NBEA: variants seen among roughly 807,000 people sequenced by gnomAD.
The protein encoded by NBEA is neurobeachin.
In NBEA, 44 loss-of-function variants were observed where a neutral mutation model predicts 343.4. The observed-to-expected ratio is 0.13, with a 90% CI of 0.10 to 0.16. The LOEUF (loss-of-function observed/expected upper bound fraction) is 0.16. Among genes scored for constraint, NBEA ranks in the 10% least tolerant of loss-of-function variants. NBEA has a pLI of 1.00. For missense variants in NBEA, 2,555 were observed against 3,631.3 expected (o/e 0.70, Z 7.62); for synonymous variants, 1,175 against 1,238.7 (o/e 0.95, Z 1.08).
chr13:35,522,478 A>C (rs1451405167), intron 41 of NBEA, among the ~76,000 whole-genome samples: 3 of 10,964 alleles, frequency 2.7e-4, no homozygotes, highest in Non-Finnish European at 4.5e-4. Context: ...CCATCTCCAA[A>C]AAAAAAAAAA....
intron 35 of NBEA, 92 bp downstream of exon 35, chr13:35,290,542 T>A (rs540183187): frequency 1.2e-6 from 1 of 832,512 alleles, no homozygotes; most frequent in African/African-American, 1.8e-5. Flanking sequence ...TGTATGTTTA[T>A]ATATTTTTAA....
At chr13:35,586,112 G>A (rs1363308339) in intron 46 of NBEA, among the ~76,000 whole-genome samples, 1 of 152,080 alleles carries the variant, frequency 6.6e-6, no homozygotes, top group African/African-American at 2.4e-5. Flanking sequence ...TATTGTATGG[G>A]GCTGATGTGT....
chr13:35,178,231 C>T (rs574115722), intron 28 of NBEA, among the ~76,000 whole-genome samples: 28 of 151,700 alleles, frequency 1.8e-4, no homozygotes, highest in Non-Finnish European at 3.7e-4. Context: ...TCGAATAGCT[C>T]TTTGCCAATA....
chr13:35,248,648 CA>C (rs1324760896), intron 34 of NBEA, among the ~76,000 whole-genome samples: 1 of 152,084 alleles, frequency 6.6e-6, no homozygotes, highest in Non-Finnish European at 1.5e-5. Flanking sequence ...CTTATATGGT[CA>C]AATGATTTTC....
chr13:35,482,821 C>G (rs1174695015), intron 41 of NBEA, among the ~76,000 whole-genome samples: 2 of 151,632 alleles, frequency 1.3e-5, no homozygotes, highest in Non-Finnish European at 3.0e-5. Flanking sequence ...CAAATATATA[C>G]CATCATAGAA....
chr13:35,365,443 G>A (rs2041044904), intron 38 of NBEA, among the ~76,000 whole-genome samples: 1 of 151,658 alleles, frequency 6.6e-6, no homozygotes, highest in South Asian at 2.1e-4. Flanking sequence ...AACATCTGTA[G>A]TTAAAGTGAG....
intron 1 of NBEA, among the ~76,000 whole-genome samples, chr13:34,982,860 A>G (rs1246966328): frequency 3.9e-5 from 6 of 152,066 alleles, no homozygotes; most frequent in African/African-American, 1.4e-4. Flanking sequence ...TTTATCAGTT[A>G]TTGAGAAAGG....
At chr13:35,611,622 T>TCCAAAGGTTTG (rs1002408626) in intron 48 of NBEA, among the ~76,000 whole-genome samples, 1 of 152,190 alleles carries the variant, frequency 6.6e-6, no homozygotes, top group African/African-American at 2.4e-5. Context: ...ACTTTTTATC[T>TCCAAAGGTTTG]CCAAAGGTTT....
At chr13:34,988,396 C>T (rs755079591) in intron 1 of NBEA, among the ~76,000 whole-genome samples, 13 of 151,208 alleles carry the variant, frequency 8.6e-5, no homozygotes, top group Non-Finnish European at 1.3e-4. Flanking sequence ...GCCCTGCCCC[C>T]AGAGGTGGAG....
intron 34 of NBEA, among the ~76,000 whole-genome samples, chr13:35,286,340 A>G (rs1246374359): frequency 6.6e-6 from 1 of 152,132 alleles, no homozygotes; most frequent in Non-Finnish European, 1.5e-5. Context: ...TATTGATTCA[A>G]TTAATATTTA....
intron 41 of NBEA, among the ~76,000 whole-genome samples, chr13:35,540,323 G>A (rs1018175046): frequency 1.3e-5 from 2 of 152,054 alleles, no homozygotes; most frequent in African/African-American, 4.8e-5. Context: ...ACATAGAGAA[G>A]TTAATGTATT....
In NBEA at chr13:35,038,976, A is replaced by G. The variant is rs1178392889; in HGVS notation, c.295-1957A>G. 2.6e-5 allele frequency among the ~76,000 whole-genome samples: 4 copies of G among 152,120 alleles called. No individual in the cohort carries two copies. The East Asian group carries it at 5.8e-4, about 22-fold the overall frequency. ...TCCTTATGGCCTAGACTGCCTTTCA[A>G]GTTTACTTAAACACCAAGAGCACTC... On this transcript the variant is annotated intron_variant, in intron 1 of 58. Coordinates refer to ENST00000379939, the MANE Select transcript of NBEA (RefSeq NM_001385012.1).
intron 33 of NBEA, among the ~76,000 whole-genome samples, chr13:35,221,015 A>G (rs1212092539): frequency 1.3e-5 from 2 of 152,074 alleles, no homozygotes; most frequent in African/African-American, 4.8e-5. Flanking sequence ...TTCAAGTTTT[A>G]TAAGTACTCA....
chr13:35,560,485 G>A (rs546812205), intron 44 of NBEA, among the ~76,000 whole-genome samples: 2 of 152,242 alleles, frequency 1.3e-5, no homozygotes, highest in East Asian at 3.9e-4. Context: ...ACTGTTTTCA[G>A]TTAAGCTTTA....
At chr13:35,208,913 C>A (rs1209096327) in intron 32 of NBEA, 59 bp downstream of exon 32, 1 of 1,255,648 alleles carries the variant, frequency 8.0e-7, no homozygotes, top group East Asian at 2.7e-5. Context: ...TATCATTTTT[C>A]TGCTTATTTG....
chr13:35,170,550 A>G (rs770220405), intron 25 of NBEA, among the ~76,000 whole-genome samples: 2 of 151,828 alleles, frequency 1.3e-5, no homozygotes, highest in African/African-American at 4.8e-5. Context: ...AAGAAACACA[A>G]TGCTTTGTAA....
At chr13:35,265,835 A>C (rs2033626048) in intron 34 of NBEA, among the ~76,000 whole-genome samples, 1 of 152,006 alleles carries the variant, frequency 6.6e-6, no homozygotes, top group Non-Finnish European at 1.5e-5. Flanking sequence ...AAACACAGAC[A>C]ACAAAAGCAA....
chr13:35,238,854 AG>A (rs976426258), intron 34 of NBEA, among the ~76,000 whole-genome samples: 16 of 152,150 alleles, frequency 1.1e-4, no homozygotes, highest in Admixed American at 9.8e-4. Context: ...ATTTTTTAAA[AG>A]TATATAAATA....
intron 36 of NBEA, among the ~76,000 whole-genome samples, chr13:35,329,539 T>A (rs2038794089): frequency 1.3e-5 from 2 of 151,900 alleles, no homozygotes; most frequent in Non-Finnish European, 2.9e-5. Flanking sequence ...ATACACACAA[T>A]AACATGTATG....
Sources: gnomAD v4.1 joint callset for allele counts (sites outside exome capture counted in the v4.1 genomes callset) on GRCh38, gnomAD v4.1.1 for gene constraint, MANE v1.5 for transcripts, NCBI Gene and HGNC (gene_info 2026-07-23, HGNC 2026-07-21) for gene names.